Variants in PBX3 observed in about 807,000 individuals in gnomAD.
PBX3 encodes pre-B-cell leukemia transcription factor 3.
Under a neutral mutation model 48.5 loss-of-function variants are expected in PBX3, and 14 were observed. The ratio of observed to expected loss-of-function variants is 0.29; its 90% confidence interval spans 0.19 to 0.45. The LOEUF (loss-of-function observed/expected upper bound fraction) is 0.45. Among genes scored for constraint, PBX3 ranks in the 20% least tolerant of loss-of-function variants. The probability of loss-of-function intolerance (pLI) is 1.00; values close to 1 mark genes in which losing one functional copy is unlikely to be tolerated. For synonymous variants in PBX3, 210 were observed against 200.3 expected, an observed-to-expected ratio of 1.05 and a Z score of -0.41; for missense variants, 386 against 546.7, an observed-to-expected ratio of 0.71 and a Z score of 2.93.
At chr9:125,856,869 T>C (rs1438938161) in intron 2 of PBX3, among the ~76,000 whole-genome samples, 2 of 152,230 alleles carry the variant, frequency 1.3e-5, no homozygotes, top group Non-Finnish European at 2.9e-5. Context: ...ATGAATTCTT[T>C]GCCATCTGGA....
At chr9:125,804,915 C>T (rs377431785) in intron 2 of PBX3, among the ~76,000 whole-genome samples, 4 of 40,126 alleles carry the variant, frequency 1.0e-4, no homozygotes, top group Non-Finnish European at 2.7e-4. Flanking sequence ...CCACTGCACT[C>T]CAGCCTGGGT....
chr9:125,893,251 AT>A (rs1318934807), intron 2 of PBX3, among the ~76,000 whole-genome samples: 1 of 152,242 alleles, frequency 6.6e-6, no homozygotes, highest in Non-Finnish European at 1.5e-5. Context: ...GATGTCCTAC[AT>A]AAGAATAAGT....
intron 5 of PBX3, among the ~76,000 whole-genome samples, chr9:125,956,707 A>G (rs1429634874): frequency 6.6e-6 from 1 of 152,188 alleles, no homozygotes; most frequent in Non-Finnish European, 1.5e-5. Context: ...AAATTCTTCC[A>G]TGGCCCTTTG....
At chr9:125,780,348 C>T (rs1172840044) in intron 2 of PBX3, among the ~76,000 whole-genome samples, 3 of 141,274 alleles carry the variant, frequency 2.1e-5, no homozygotes, top group African/African-American at 8.0e-5. Flanking sequence ...CCGGACGGGG[C>T]GGCTGGCTGG....
At chr9:125,912,554 A>G (rs1841228048) in intron 2 of PBX3, among the ~76,000 whole-genome samples, 1 of 152,106 alleles carries the variant, frequency 6.6e-6, no homozygotes, top group South Asian at 2.1e-4. Context: ...ATTGTTAAAC[A>G]ATGTTTTACT....
At chr9:125,763,117 A>G (rs1251464949) in intron 2 of PBX3, among the ~76,000 whole-genome samples, 1 of 152,232 alleles carries the variant, frequency 6.6e-6, no homozygotes, top group Non-Finnish European at 1.5e-5. Flanking sequence ...AATTGAGCCA[A>G]TGGCATAAAA....
chr9:125,846,513 C>G (rs1343413714), intron 2 of PBX3, among the ~76,000 whole-genome samples: 1 of 151,980 alleles, frequency 6.6e-6, no homozygotes, highest in Non-Finnish European at 1.5e-5. Flanking sequence ...CTGCAATATT[C>G]TCCCCACCTC....
At chr9:125,780,735 CA>C (rs1448287487) in intron 2 of PBX3, among the ~76,000 whole-genome samples, 6 of 107,564 alleles carry the variant, frequency 5.6e-5, no homozygotes, top group African/African-American at 1.8e-4. Flanking sequence ...TGACCCCCCC[CA>C]CCTCCCTCCC....
chr9:125,921,003 A>G (rs561828902), intron 3 of PBX3, among the ~76,000 whole-genome samples: 2 of 152,322 alleles, frequency 1.3e-5, no homozygotes, highest in East Asian at 1.9e-4. Flanking sequence ...AAAAATGCTG[A>G]TGTTTTCACA....
At chr9:125,869,506 A>T (rs1840065771) in intron 2 of PBX3, among the ~76,000 whole-genome samples, 1 of 152,220 alleles carries the variant, frequency 6.6e-6, no homozygotes, top group Admixed American at 6.5e-5. Flanking sequence ...ATTAAAGAAA[A>T]AACATTCTCT....
chr9:125,788,447 T>G (rs1837513468), intron 2 of PBX3, among the ~76,000 whole-genome samples: 1 of 152,222 alleles, frequency 6.6e-6, no homozygotes, highest in South Asian at 2.1e-4. Context: ...CTTACATTTA[T>G]CTATTCATTG....
intron 2 of PBX3, among the ~76,000 whole-genome samples, chr9:125,801,273 G>A (rs932218976): frequency 1.1e-4 from 17 of 151,824 alleles, no homozygotes; most frequent in Non-Finnish European, 1.6e-4. Flanking sequence ...ATTTTCTGCC[G>A]GGCTTCAGGC....
At chr9:125,960,617 G>A in intron 5 of PBX3, 67 bp from the exon 6 acceptor site, 1 of 1,423,680 alleles carries the variant, frequency 7.0e-7, no homozygotes, top group South Asian at 1.2e-5. Context: ...GTGTCCAGCA[G>A]GTATTATTGG....
chr9:125,755,962 T>G (rs1034915558), intron 2 of PBX3, among the ~76,000 whole-genome samples: 1 of 152,092 alleles, frequency 6.6e-6, no homozygotes, highest in Non-Finnish European at 1.5e-5. Flanking sequence ...ATGAACTGTT[T>G]ATCACTTATC....
chr9:125,942,937 CAAACAA>C (rs1442217184), intron 5 of PBX3, among the ~76,000 whole-genome samples: 1 of 152,180 alleles, frequency 6.6e-6, no homozygotes, highest in East Asian at 1.9e-4. Context: ...TTGTTCTCTA[CAAACAA>C]TCAGTACCAT....
rs975977413 is a variant in PBX3, at chr9:125,803,311, C to T, written c.274+54688C>T. 1.1e-4 allele frequency among the ~76,000 whole-genome samples: 16 copies of T among 151,972 alleles called. No homozygotes were observed. In the South Asian group the frequency reaches 3.3e-3, roughly 32 times the overall value. On this transcript the variant is annotated intron_variant, in intron 2 of 8. Coordinates refer to ENST00000373489, the MANE Select transcript of PBX3 (RefSeq NM_006195.6). ...TCATGTTGGCCAGGCTGGTCTTGAACTCCTGACCTCAAGTGATCCACCCGC... is the reference window on the plus strand; with the variant it reads ...TCATGTTGGCCAGGCTGGTCTTGAATTCCTGACCTCAAGTGATCCACCCGC...
At chr9:125,869,571 G>T (rs1448592413) in intron 2 of PBX3, among the ~76,000 whole-genome samples, 3 of 152,148 alleles carry the variant, frequency 2.0e-5, no homozygotes, top group African/African-American at 7.2e-5. Context: ...CTCAGCAGGA[G>T]CAATATGAGC....
chr9:125,943,864 A>C (rs754532818), intron 5 of PBX3, among the ~76,000 whole-genome samples: 11 of 152,236 alleles, frequency 7.2e-5, no homozygotes, highest in Non-Finnish European at 1.2e-4. Context: ...ATCTCAAGAC[A>C]GAGGAGGTGT....
intron 2 of PBX3, among the ~76,000 whole-genome samples, chr9:125,771,910 T>G (rs1218975480): frequency 6.6e-6 from 1 of 152,134 alleles, no homozygotes; most frequent in African/African-American, 2.4e-5. Flanking sequence ...GGGTGAGAGG[T>G]TATCATTTTA....
Sources: gnomAD v4.1 joint callset for allele counts (sites outside exome capture counted in the v4.1 genomes callset) on GRCh38, gnomAD v4.1.1 for gene constraint, MANE v1.5 for transcripts, NCBI Gene and HGNC (gene_info 2026-07-23, HGNC 2026-07-21) for gene names.